EIF4G3: variants seen among roughly 807,000 people sequenced by gnomAD.
The protein encoded by EIF4G3 is eukaryotic translation initiation factor 4 gamma 3.
Under a neutral mutation model 186.4 loss-of-function variants are expected in EIF4G3, and 34 were observed. The ratio of observed to expected loss-of-function variants is 0.18; its 90% CI spans 0.14 to 0.24. The LOEUF (loss-of-function observed/expected upper bound fraction) is 0.24, where lower values mean the gene tolerates loss of function less well. Ranked by LOEUF, EIF4G3 falls within the 10% of genes least tolerant of loss-of-function variation. EIF4G3 has a pLI of 1.00. For synonymous variants in EIF4G3, 673 were observed against 679.5 expected, an observed-to-expected ratio of 0.99 and a Z score of 0.15; for missense variants, 1,536 against 1,948.5, an observed-to-expected ratio of 0.79 and a Z score of 3.99.
chr1:21,012,973 GAGA>G (rs2087646112), intron 4 of EIF4G3, among the ~76,000 whole-genome samples: 1 of 152,072 alleles, frequency 6.6e-6, no homozygotes, highest in Non-Finnish European at 1.5e-5. Flanking sequence ...CAGATTACAG[GAGA>G]AGGATTTAAC....
chr1:21,106,066 CTTTT>C (rs1048552858), intron 2 of EIF4G3, among the ~76,000 whole-genome samples: 2 of 132,320 alleles, frequency 1.5e-5, no homozygotes, highest in African/African-American at 5.5e-5. Context: ...GACCCTGTCT[CTTTT>C]TTTTTTTTTT....
chr1:20,950,558 G>C (rs1344571993), intron 12 of EIF4G3, among the ~76,000 whole-genome samples: 1 of 152,154 alleles, frequency 6.6e-6, no homozygotes, highest in Non-Finnish European at 1.5e-5. Context: ...AGGCTGAAAA[G>C]CGGTTACAGA....
chr1:21,068,390 A>AAAAAAAAAAAC, intron 3 of EIF4G3, among the ~76,000 whole-genome samples: 8 of 150,114 alleles, frequency 5.3e-5, no homozygotes, highest in South Asian at 4.2e-4. Context: ...AAAAAAAAAA[A>AAAAAAAAAAAC]AAAAAAAAAA....
In EIF4G3 at chr1:20,860,512, A is replaced by C. The variant is rs1214800967; in HGVS notation, c.3117T>G (p.Asn1039Lys). ...CTTGATCTGCTCTTCGAGATACCCA[A>C]TTGCACTATAAAAGCAGAAAATAAG... is the stretch of plus-strand genomic sequence containing the variant. Reference protein sequence around the residue: ...LQDVIDLRLCNWVSRRADQGP... With the variant: ...LQDVIDLRLCKWVSRRADQGP... The change falls in exon 24 of 37, where the codon AAT becomes AAG. Residue 1039 changes from asparagine (N) to lysine (K), a missense_variant. Asn to Lys is a moderately conservative substitution (Grantham distance 94, BLOSUM62 0). Coordinates refer to ENST00000602326, the MANE Select transcript of EIF4G3 (RefSeq NM_001391906.1). The C allele has an allele frequency of 1.2e-6, 2 of 1,613,398 alleles. No homozygotes were observed. Among genetic ancestry groups the C allele is most frequent in the Admixed American group, 3.3e-5 (2 of 59,856 alleles).
chr1:21,018,254 A>G (rs554730103), intron 4 of EIF4G3, among the ~76,000 whole-genome samples: 2 of 152,240 alleles, frequency 1.3e-5, no homozygotes, highest in African/African-American at 4.8e-5. Flanking sequence ...TCAAATGTAA[A>G]TGTTCTTAAT....
intron 6 of EIF4G3, among the ~76,000 whole-genome samples, chr1:20,998,444 T>C (rs973015761): frequency 6.6e-6 from 1 of 152,156 alleles, no homozygotes; most frequent in African/African-American, 2.4e-5. Context: ...TATGTACCTA[T>C]TGTTACCTAA....
At chr1:21,061,821 C>A (rs1453392341) in intron 3 of EIF4G3, among the ~76,000 whole-genome samples, 3 of 150,498 alleles carry the variant, frequency 2.0e-5, no homozygotes, top group Non-Finnish European at 4.4e-5. Flanking sequence ...GATCTCGGCT[C>A]ACTGTAACCT....
intron 16 of EIF4G3, among the ~76,000 whole-genome samples, chr1:20,896,907 A>G (rs1211033526): frequency 6.6e-6 from 1 of 152,248 alleles, no homozygotes; most frequent in East Asian, 1.9e-4. Flanking sequence ...GCCTAAGAGC[A>G]GTAGGCTACA....
At chr1:21,131,899 G>A (rs7525620) in intron 2 of EIF4G3, among the ~76,000 whole-genome samples, 56,130 of 151,802 alleles carry the variant, frequency 0.37, 11,007 homozygotes, top group Non-Finnish European at 0.43. Context: ...CTGAGCCTAG[G>A]AGGTCAAGGC....
At chr1:21,035,203 G>A (rs2093081200) in intron 4 of EIF4G3, among the ~76,000 whole-genome samples, 1 of 152,180 alleles carries the variant, frequency 6.6e-6, no homozygotes, top group African/African-American at 2.4e-5. Context: ...TGTCCTGGGA[G>A]CCAAAGGTTC....
At chr1:20,852,052 CTT>C (rs1222990707) in intron 27 of EIF4G3, among the ~76,000 whole-genome samples, 2 of 152,158 alleles carry the variant, frequency 1.3e-5, no homozygotes, top group Non-Finnish European at 2.9e-5. Context: ...ATTTCTTTCT[CTT>C]TTCTTTTTTG....
intron 2 of EIF4G3, among the ~76,000 whole-genome samples, chr1:21,172,118 C>CAAAAA (rs35477282): frequency 1.9e-5 from 2 of 105,532 alleles, no homozygotes; most frequent in Non-Finnish European, 2.0e-5. Context: ...CCTCCTCTAG[C>CAAAAA]AAAAAAAAAA....
chr1:21,014,494 C>G (rs543734736), intron 4 of EIF4G3, among the ~76,000 whole-genome samples: 73 of 152,176 alleles, frequency 4.8e-4, no homozygotes, highest in Middle Eastern at 3.4e-3. Context: ...TCAAGTAGGC[C>G]CCAAGGTCTG....
intron 10 of EIF4G3, 147 bp downstream of exon 10, chr1:20,980,187 A>G: frequency 1.7e-6 from 1 of 603,464 alleles, no homozygotes; most frequent in Non-Finnish European, 2.8e-6. Flanking sequence ...AAAAAAAAAA[A>G]AGTAGCTTTC....
At chr1:21,117,167 A>G (rs989583731) in intron 2 of EIF4G3, among the ~76,000 whole-genome samples, 1 of 152,178 alleles carries the variant, frequency 6.6e-6, no homozygotes, top group Admixed American at 6.5e-5. Context: ...AGATATGTCA[A>G]TCTGAACTGA....
chr1:21,091,835 T>C (rs796864492), intron 2 of EIF4G3, among the ~76,000 whole-genome samples: 75 of 152,342 alleles, frequency 4.9e-4, no homozygotes, highest in Middle Eastern at 3.4e-3. Flanking sequence ...TTTTTGCACA[T>C]TGATTTTGTA....
chr1:21,170,190 T>TAAATAAAC (rs1053567942), intron 2 of EIF4G3, among the ~76,000 whole-genome samples: 3 of 152,272 alleles, frequency 2.0e-5, no homozygotes, highest in African/African-American at 7.2e-5. Flanking sequence ...AATAAATAAA[T>TAAATAAAC]AAACAAACAA....
At chr1:20,899,020 G>A (rs1414842236) in intron 16 of EIF4G3, among the ~76,000 whole-genome samples, 2 of 152,100 alleles carry the variant, frequency 1.3e-5, no homozygotes, top group Non-Finnish European at 2.9e-5. Context: ...GTGAGCCACC[G>A]CACCCAGCCC....
intron 11 of EIF4G3, among the ~76,000 whole-genome samples, chr1:20,972,709 G>C (rs764162020): frequency 6.6e-6 from 1 of 152,102 alleles, no homozygotes; most frequent in East Asian, 1.9e-4. Flanking sequence ...CTCACACTGA[G>C]TAAAACCTTA....
Sources: allele counts gnomAD v4.1 joint callset (sites outside exome capture counted in the v4.1 genomes callset), GRCh38; gene constraint gnomAD v4.1.1; transcripts MANE v1.5; gene names NCBI Gene and HGNC (gene_info 2026-07-23, HGNC 2026-07-21).